Variants in POU6F2 observed in about 807,000 individuals in gnomAD.
The protein encoded by POU6F2 is POU class 6 homeobox 2.
Under a neutral mutation model 71.3 loss-of-function variants are expected in POU6F2, and 31 were observed. The ratio of observed to expected loss-of-function variants is 0.43; its 90% confidence interval spans 0.33 to 0.59. The LOEUF (loss-of-function observed/expected upper bound fraction) is 0.59, where lower values mean the gene tolerates loss of function less well. Ranked by LOEUF, POU6F2 falls within the 20% of genes least tolerant of loss-of-function variation. POU6F2 has a pLI of 0.04. For missense variants in POU6F2, 783 were observed against 856.8 expected, an observed-to-expected ratio of 0.91 and a Z score of 1.07; for synonymous variants, 347 against 355.7, an observed-to-expected ratio of 0.98 and a Z score of 0.27.
At chr7:39,318,629 G>GA (rs147460653) in intron 4 of POU6F2, among the ~76,000 whole-genome samples, 4 of 152,084 alleles carry the variant, frequency 2.6e-5, no homozygotes, top group East Asian at 1.9e-4. Context: ...GCTCTCTTAG[G>GA]AAAAAAACAA....
chr7:39,088,625 A>G (rs575873231), intron 2 of POU6F2, among the ~76,000 whole-genome samples: 29 of 152,292 alleles, frequency 1.9e-4, no homozygotes, highest in Admixed American at 6.5e-4. Flanking sequence ...TTCTATATAT[A>G]CACCGTATTA....
At chr7:38,994,355 G>A (rs557699004) in intron 1 of POU6F2, among the ~76,000 whole-genome samples, 13 of 152,242 alleles carry the variant, frequency 8.5e-5, no homozygotes, top group African/African-American at 2.9e-4. Context: ...AGGGAGGCGG[G>A]AGAAACAGGG....
At chr7:39,409,180 G>T (rs1787497853) in intron 6 of POU6F2, among the ~76,000 whole-genome samples, 1 of 152,142 alleles carries the variant, frequency 6.6e-6, no homozygotes, top group East Asian at 1.9e-4. Context: ...AAGGTACAAA[G>T]AGAAAACTCT....
chr7:39,407,239 G>C (rs1448563152), intron 6 of POU6F2, among the ~76,000 whole-genome samples: 1 of 151,890 alleles, frequency 6.6e-6, no homozygotes, highest in Non-Finnish European at 1.5e-5. Context: ...AAGCAACAAA[G>C]AAAAGGGGTG....
chr7:39,305,868 AAG>A (rs1785038587), intron 4 of POU6F2, among the ~76,000 whole-genome samples: 1 of 152,238 alleles, frequency 6.6e-6, no homozygotes, highest in African/African-American at 2.4e-5. Flanking sequence ...GTAAAAGAAA[AAG>A]AGAAATGAAC....
intron 1 of POU6F2, among the ~76,000 whole-genome samples, chr7:39,018,420 G>T (rs1789609293): frequency 6.6e-6 from 1 of 151,870 alleles, no homozygotes; most frequent in Non-Finnish European, 1.5e-5. Flanking sequence ...CTTATTTGGT[G>T]ACAAAACCTC....
rs571280187 is a variant in POU6F2, at chr7:39,233,702, C to A, written c.598+26082C>A. On this transcript the variant is annotated intron_variant, in intron 4 of 9. Coordinates refer to ENST00000518318, the MANE Select transcript of POU6F2 (RefSeq NM_001370959.1). ...AGTCCTGTGATTGTTAGCGGACCCCCAGAGAAAGCCAGCATGTGAATGCCA... is the reference window on the plus strand; with the variant it reads ...AGTCCTGTGATTGTTAGCGGACCCCAAGAGAAAGCCAGCATGTGAATGCCA... Among the ~76,000 whole-genome samples, 36 of 152,266 alleles carry A rather than the reference C, an allele frequency of 2.4e-4. No homozygotes were observed. The South Asian group carries it at 7.3e-3, about 31-fold the overall frequency.
intron 4 of POU6F2, among the ~76,000 whole-genome samples, chr7:39,279,777 C>T (rs371444848): frequency 3.3e-5 from 5 of 152,002 alleles, no homozygotes; most frequent in African/African-American, 1.2e-4. Flanking sequence ...GATAGAGTTT[C>T]ACTCTGTTGC....
chr7:39,102,776 C>G (rs560810963), intron 2 of POU6F2, among the ~76,000 whole-genome samples: 1 of 152,212 alleles, frequency 6.6e-6, no homozygotes, highest in South Asian at 2.1e-4. Context: ...AGTGTACTTA[C>G]GTAAATCTAG....
chr7:39,424,823 C>CAA (rs77118861), intron 6 of POU6F2, among the ~76,000 whole-genome samples: 73 of 141,406 alleles, frequency 5.2e-4, no homozygotes, highest in Admixed American at 2.3e-3. Flanking sequence ...CAAGCACACA[C>CAA]AAAAAAAAAA....
chr7:39,277,946 A>G (rs973256574), intron 4 of POU6F2, among the ~76,000 whole-genome samples: 117 of 152,144 alleles, frequency 7.7e-4, no homozygotes, highest in African/African-American at 2.6e-3. Flanking sequence ...AGTCCCAGCT[A>G]CTTGGGAGGC....
At position 39,024,540 on chromosome 7, in the gene POU6F2, A is replaced by G. The variant is rs528153835; in HGVS notation, c.105+46482A>G. 2.0e-5 allele frequency among the ~76,000 whole-genome samples: 3 copies of G among 152,026 alleles called. No homozygotes were observed. The South Asian group carries it at 6.2e-4, about 32-fold the overall frequency. On this transcript the variant is annotated intron_variant, in intron 1 of 9. Transcript: ENST00000518318. ...TGCCCTGGCCAGAACTTCCAACTCT[A>G]TGTCGAATAGGAGTGGTGAGAGAGG...
At chr7:39,129,933 G>T (rs1327341842) in intron 2 of POU6F2, among the ~76,000 whole-genome samples, 1 of 151,938 alleles carries the variant, frequency 6.6e-6, no homozygotes, top group African/African-American at 2.4e-5. Context: ...CGGGCGTGGT[G>T]GCAGGTGCCT....
chr7:39,426,100 C>T (rs757265417), intron 6 of POU6F2, among the ~76,000 whole-genome samples: 17 of 152,190 alleles, frequency 1.1e-4, no homozygotes, highest in Non-Finnish European at 2.4e-4. Flanking sequence ...GGTAGCCGGC[C>T]CCTCCTGCTC....
intron 1 of POU6F2, among the ~76,000 whole-genome samples, chr7:38,983,984 A>G (rs1447316466): frequency 1.3e-5 from 2 of 152,134 alleles, no homozygotes; most frequent in African/African-American, 4.8e-5. Context: ...TTCTTTCTTC[A>G]AAAGACAGAC....
At chr7:39,323,331 C>T (rs1785436973) in intron 4 of POU6F2, among the ~76,000 whole-genome samples, 1 of 152,202 alleles carries the variant, frequency 6.6e-6, no homozygotes, top group African/African-American at 2.4e-5. Flanking sequence ...TGTTGCCAGA[C>T]CTTCTGGATG....
chr7:39,239,138 G>C (rs1783661665), intron 4 of POU6F2, among the ~76,000 whole-genome samples: 1 of 152,032 alleles, frequency 6.6e-6, no homozygotes, highest in African/African-American at 2.4e-5. Context: ...ATCTGAAGTG[G>C]AATAATATGA....
At chr7:39,018,293 C>G (rs976873965) in intron 1 of POU6F2, among the ~76,000 whole-genome samples, 1 of 152,132 alleles carries the variant, frequency 6.6e-6, no homozygotes, top group Admixed American at 6.6e-5. Context: ...CAGAAATGCT[C>G]TCTCCATGAA....
In POU6F2 at chr7:39,339,671, C is replaced by G. The variant is rs1305097057; in HGVS notation, c.628C>G (p.Gln210Glu). 1.9e-6 allele frequency: 3 copies of G among 1,597,314 alleles called. No homozygotes were observed. Among genetic ancestry groups the G allele is most frequent in the East Asian group, 4.5e-5 (2 of 44,854 alleles). ...ATSSLNSQLQ[Q>E]LQLQLQQQQQ... is the part of the protein sequence containing the mutation. Reference sequence around the variant, plus strand: ...CTCATCCCTGAACTCCCAGCTCCAGCAGCTCCAGCTCCAGCTCCAGCAGCA... The same window carrying G: ...CTCATCCCTGAACTCCCAGCTCCAGGAGCTCCAGCTCCAGCTCCAGCAGCA... The change falls in exon 5 of 10, where the codon CAG becomes GAG. Residue 210 changes from glutamine to glutamate, a missense_variant. By Grantham distance (29) the Gln-to-Glu change is conservative (BLOSUM62 2). This residue lies in a region of POU6F2 where 572 missense variants were observed against 572.9 expected (regional missense o/e 1.00). Coordinates refer to ENST00000518318, the MANE Select transcript of POU6F2 (RefSeq NM_001370959.1).
Sources: gnomAD v4.1 joint callset for allele counts (sites outside exome capture counted in the v4.1 genomes callset) on GRCh38, gnomAD v4.1.1 for gene constraint, gnomAD v4.1.1 regional missense constraint, MANE v1.5 for transcripts, NCBI Gene and HGNC (gene_info 2026-07-23, HGNC 2026-07-21) for gene names.